Variants in PTPRG observed in about 807,000 individuals in gnomAD.
PTPRG encodes the protein protein tyrosine phosphatase receptor type G.
In PTPRG, 102 loss-of-function variants were observed where a neutral mutation model predicts 165.3. The observed-to-expected ratio is 0.62, with a 90% CI of 0.53 to 0.73. The LOEUF (loss-of-function observed/expected upper bound fraction) is 0.73. Among genes scored for constraint, PTPRG ranks in the 30% least tolerant of loss-of-function variants. PTPRG has a pLI of 0.00. For missense variants in PTPRG, 1,866 were observed against 1,861.4 expected, an observed-to-expected ratio of 1.00 and a Z score of -0.05; for synonymous variants, 675 against 669.5, an observed-to-expected ratio of 1.01 and a Z score of -0.13.
chr3:62,135,233 C>T (rs1335718558), intron 6 of PTPRG, among the ~76,000 whole-genome samples: 1 of 148,822 alleles, frequency 6.7e-6, no homozygotes, highest in African/African-American at 2.5e-5. Context: ...ATGATCATGC[C>T]AGCCTCCAGC....
intron 2 of PTPRG, among the ~76,000 whole-genome samples, chr3:61,798,601 C>CTGT (rs1382028937): frequency 7.1e-6 from 1 of 141,588 alleles, no homozygotes; most frequent in African/African-American, 2.6e-5. Context: ...ATTCAAAGTG[C>CTGT]TGTTGTTGTT....
intron 2 of PTPRG, among the ~76,000 whole-genome samples, chr3:61,845,403 G>A (rs531717811): frequency 2.6e-5 from 4 of 152,300 alleles, no homozygotes; most frequent in African/African-American, 9.6e-5. Context: ...AAACAGCAGA[G>A]ACTGTTGCTT....
At chr3:61,666,167 A>G (rs1487343315) in intron 1 of PTPRG, among the ~76,000 whole-genome samples, 2 of 152,216 alleles carry the variant, frequency 1.3e-5, no homozygotes, top group African/African-American at 2.4e-5. Flanking sequence ...CAGATGCTCG[A>G]TAAAAACCTC....
In PTPRG at chr3:62,296,643, T is replaced by C. The variant is rs1038024661; in HGVS notation, c.*3336T>C. The C allele has an allele frequency of 3.3e-5, 5 of 151,344 alleles. No homozygotes were observed. The highest frequency in any genetic ancestry group is 1.3e-4 in the Admixed American group (2 of 15,178). The allele number at this position is 151,344 out of a possible 1,614,324, so 9.4% of individuals were successfully genotyped here. On this transcript the variant is annotated 3_prime_UTR_variant, in exon 30 of 30. Transcript: ENST00000474889. ...AGTGAATTTTTATATGAAGGGAAAA[T>C]GCCTGCTTTTTTTTTTTTTTTAACA... is the stretch of plus-strand genomic sequence containing the variant.
intron 20 of PTPRG, among the ~76,000 whole-genome samples, chr3:62,270,732 G>T (rs1252956907): frequency 6.6e-6 from 1 of 152,076 alleles, no homozygotes; most frequent in East Asian, 1.9e-4. Context: ...TAGAAATTAG[G>T]TATTGATAAT....
intron 4 of PTPRG, among the ~76,000 whole-genome samples, chr3:62,013,735 A>G (rs1452957888): frequency 1.3e-5 from 2 of 151,982 alleles, no homozygotes; most frequent in Non-Finnish European, 1.5e-5. Context: ...TTTATATTGG[A>G]ATCTGATTTA....
intron 1 of PTPRG, among the ~76,000 whole-genome samples, chr3:61,574,403 G>A (rs946576845): frequency 2.0e-5 from 3 of 152,184 alleles, no homozygotes; most frequent in African/African-American, 7.2e-5. Context: ...CAGAAGCTAA[G>A]TTTTCTAGAA....
At chr3:61,708,479 A>T (rs2031378588) in intron 1 of PTPRG, among the ~76,000 whole-genome samples, 1 of 111,762 alleles carries the variant, frequency 8.9e-6, no homozygotes. Flanking sequence ...TTTGAGACAG[A>T]GTCTCGCTCT....
At chr3:61,734,559 G>C (rs1426658253) in intron 1 of PTPRG, among the ~76,000 whole-genome samples, 1 of 152,160 alleles carries the variant, frequency 6.6e-6, no homozygotes, top group African/African-American at 2.4e-5. Flanking sequence ...GCACCCGGTT[G>C]TCCCAATTTG....
At chr3:62,262,926 G>C in intron 17 of PTPRG, 32 bp downstream of exon 17, 2 of 1,509,216 alleles carry the variant, frequency 1.3e-6, no homozygotes, top group Non-Finnish European at 1.8e-6. Flanking sequence ...ACCTTCAACT[G>C]CGAGGAAATT....
chr3:62,005,690 C>CTTTT (rs35487954), intron 4 of PTPRG, among the ~76,000 whole-genome samples: 2 of 60,306 alleles, frequency 3.3e-5, no homozygotes, highest in Non-Finnish European at 5.5e-5. Context: ...CATTAATATC[C>CTTTT]TTTTTTTTTT....
rs374757586 is a variant in PTPRG, at chr3:62,236,972, GGTTT to G, written c.2375+5685_2375+5688del. Reference sequence around the variant, plus strand: ...GGTTTGGAGACCTGCCTTTTAAGGAGGTTTGTTTGTTTGTTTGTTTGTTTGTTAA... The same window carrying G: ...GGTTTGGAGACCTGCCTTTTAAGGAGGTTTGTTTGTTTGTTTGTTTGTTAA... On this transcript the variant is annotated intron_variant, in intron 14 of 29. Transcript: ENST00000474889. Among the ~76,000 whole-genome samples, 387 of 152,154 alleles carry G rather than the reference GGTTT, an allele frequency of 2.5e-3. 3 individuals are homozygous for G. The highest frequency in any genetic ancestry group is 7.7e-3 in the East Asian group (40 of 5,170).
chr3:62,087,954 C>CT (rs1175856687), intron 5 of PTPRG, among the ~76,000 whole-genome samples: 4 of 151,962 alleles, frequency 2.6e-5, no homozygotes, highest in African/African-American at 9.7e-5. Flanking sequence ...CATCTTTTTT[C>CT]TTTAGTTTCC....
In PTPRG at chr3:61,989,823, A is replaced by T. The variant is rs202183108; in HGVS notation, c.370+19A>T. On this transcript the variant is annotated intron_variant, in intron 3 of 29. Coordinates refer to ENST00000474889, the MANE Select transcript of PTPRG (RefSeq NM_002841.4). ...AAAACAGGTAGACAATGGCTTCTTT[A>T]TTTGTCCACAGAGCAACAGGAACTA... 283 of 1,612,562 alleles carry T rather than the reference A, an allele frequency of 1.8e-4. No individual in the cohort carries two copies. In the African/African-American group the frequency reaches 3.1e-3, roughly 18 times the overall value.
chr3:61,878,738 A>G (rs1240272053), intron 2 of PTPRG, among the ~76,000 whole-genome samples: 1 of 152,116 alleles, frequency 6.6e-6, no homozygotes, highest in South Asian at 2.1e-4. Context: ...TCCTGGGCTC[A>G]AGCCATCCTA....
At chr3:62,048,356 G>T (rs1700363668) in intron 4 of PTPRG, among the ~76,000 whole-genome samples, 1 of 152,158 alleles carries the variant, frequency 6.6e-6, no homozygotes. Context: ...ACTTGCTGTT[G>T]AGTCTTTGGG....
chr3:62,212,399 T>C (rs185572224), intron 12 of PTPRG, among the ~76,000 whole-genome samples: 1 of 152,260 alleles, frequency 6.6e-6, no homozygotes, highest in African/African-American at 2.4e-5. Flanking sequence ...TAAAATCTCT[T>C]CAAAAATAAA....
intron 1 of PTPRG, among the ~76,000 whole-genome samples, chr3:61,597,523 T>A (rs938278224): frequency 9.8e-5 from 15 of 152,350 alleles, no homozygotes; most frequent in African/African-American, 3.6e-4. Flanking sequence ...TAGTTTAGAA[T>A]ACCACCAGCT....
intron 5 of PTPRG, among the ~76,000 whole-genome samples, chr3:62,092,114 A>G (rs1466337472): frequency 1.8e-3 from 99 of 55,840 alleles, no homozygotes; most frequent in African/African-American, 5.4e-3. Flanking sequence ...ACACACACAC[A>G]CACACACACA....
Sources: allele counts gnomAD v4.1 joint callset (sites outside exome capture counted in the v4.1 genomes callset), GRCh38; gene constraint gnomAD v4.1.1; transcripts MANE v1.5; gene names NCBI Gene and HGNC (gene_info 2026-07-23, HGNC 2026-07-21).